The following TRABD2A variants were observed in gnomAD, a reference collection of about 807,000 sequenced individuals.
TRABD2A encodes the protein metalloprotease TIKI1.
TRABD2A carries 43 observed loss-of-function variants against 45.6 expected under a neutral mutation model. That is an observed-to-expected ratio of 0.94 (90% CI 0.74 to 1.22). The LOEUF is 1.22. TRABD2A is among the 50% of genes most tolerant of loss of function. The pLI is 0.00. For missense variants in TRABD2A, 642 were observed against 652.4 expected (o/e 0.98, Z 0.17); for synonymous variants, 269 against 265.0 (o/e 1.02, Z -0.15).
At chr2:84,870,929 G>T (rs1375630251) in intron 1 of TRABD2A, 144 bp from the exon 2 acceptor site, 2 of 830,210 alleles carry the variant, frequency 2.4e-6, no homozygotes, top group Non-Finnish European at 3.7e-6. Flanking sequence ...AGATTCACCT[G>T]CCAGGACAAT....
intron 5 of TRABD2A, among the ~76,000 whole-genome samples, chr2:84,825,173 A>C (rs1250193714): frequency 6.6e-6 from 1 of 152,136 alleles, no homozygotes; most frequent in Non-Finnish European, 1.5e-5. Context: ...TGGATGCGCC[A>C]TGTCTAGGGC....
chr2:84,823,995 C>T lies in TRABD2A; in HGVS notation c.1292G>A (p.Arg431Gln), dbSNP rs770369663. Reference sequence around the variant, plus strand: ...CCACAGATCGCTGAATTGCCGGAGTCGCGGCCTCCGCTGTGACCGCCTCCG... The same window carrying T: ...CCACAGATCGCTGAATTGCCGGAGTTGCGGCCTCCGCTGTGACCGCCTCCG... ...KKRRRSQRRP[R>Q]LRQFSDLWVR... is the part of the protein sequence containing the mutation. Residue 431 changes from arginine (R) to glutamine (Q), a missense_variant, in exon 6 of 7, where the codon CGA becomes CAA. By Grantham distance (43) the Arg-to-Gln change is conservative. Transcript: ENST00000409520. The T allele has an allele frequency of 2.5e-6, 4 of 1,613,778 alleles. No individual in the cohort carries two copies. The highest frequency in any genetic ancestry group is 2.5e-6 in the Non-Finnish European group (3 of 1,179,888).
Position 84,824,304 on chromosome 2 carries a change from T to C in TRABD2A, c.1083-100A>G, listed in dbSNP as rs1481905183. 14 of 1,495,494 alleles carry C rather than the reference T, an allele frequency of 9.4e-6. No individual in the cohort carries two copies. In the Middle Eastern group the frequency reaches 7.5e-4, roughly 80 times the overall value. 92.6% of individuals were successfully genotyped at this position (1,495,494 alleles called of 1,614,324 possible). On this transcript the variant is annotated intron_variant, in intron 5 of 6. Coordinates refer to ENST00000409520, the MANE Select transcript of TRABD2A (RefSeq NM_001277053.2). ...CTCAGGGTTTCAAGACAAAGGCAGA[T>C]AACCTGAAAGTTCAAGCTGGCCAGG...
In TRABD2A at chr2:84,823,992, A is replaced by C. The variant is rs1681069919; in HGVS notation, c.1295T>G (p.Leu432Arg). The C allele has an allele frequency of 5.0e-6, 8 of 1,613,918 alleles. No individual in the cohort carries two copies. Among genetic ancestry groups the C allele is most frequent in the Non-Finnish European group, 6.8e-6 (8 of 1,179,878 alleles). ...GACCCACAGATCGCTGAATTGCCGGAGTCGCGGCCTCCGCTGTGACCGCCT... is the reference window on the plus strand; with the variant it reads ...GACCCACAGATCGCTGAATTGCCGGCGTCGCGGCCTCCGCTGTGACCGCCT... ...KRRRSQRRPR[L>R]RQFSDLWVRL... Residue 432 changes from leucine to arginine, a missense_variant, in exon 6 of 7, where the codon CTC (leucine) becomes CGC (arginine). Leu to Arg is a moderately radical substitution (Grantham distance 102, BLOSUM62 -2). Coordinates refer to ENST00000409520, the MANE Select transcript of TRABD2A (RefSeq NM_001277053.2).
At chr2:84,824,719 CT>C (rs1289352387) in intron 5 of TRABD2A, among the ~76,000 whole-genome samples, 1 of 152,000 alleles carries the variant, frequency 6.6e-6, no homozygotes. Context: ...AACAGTAAAG[CT>C]TTTAAAGACA....
chr2:84,855,974 A>C (rs1199718719), intron 2 of TRABD2A, among the ~76,000 whole-genome samples: 1 of 152,108 alleles, frequency 6.6e-6, no homozygotes, highest in African/African-American at 2.4e-5. Context: ...GGCACCGCCC[A>C]TTACGCGGCT....
Position 84,824,017 on chromosome 2 carries a change from T to C in TRABD2A, c.1270A>G (p.Arg424Gly). The change falls in exon 6 of 7, where the codon AGG becomes GGG. Residue 424 changes from arginine to glycine, a missense_variant. Physicochemically the swap from Arg to Gly is moderately radical, Grantham distance 125. Transcript: ENST00000409520. ...AGTCGCGGCCTCCGCTGTGACCGCC[T>C]CCGCTTCTTCCGGAACCTCTGTTCG... ...EAEQRFRKKR[R>G]RSQRRPRLRQ... 1 of 1,613,828 alleles carries C rather than the reference T, an allele frequency of 6.2e-7. No individual in the cohort carries two copies. The highest frequency in any genetic ancestry group is 8.5e-7 in the Non-Finnish European group (1 of 1,179,826).
rs746934612 is a variant in TRABD2A, at chr2:84,870,709, G to C, written c.185C>G (p.Pro62Arg). 3 of 1,603,860 alleles carry C rather than the reference G, an allele frequency of 1.9e-6. No homozygotes were observed. Among genetic ancestry groups the C allele is most frequent in the African/African-American group, 1.3e-5 (1 of 74,768 alleles). The change falls in exon 2 of 7, where the codon CCG (proline) becomes CGG (arginine). Residue 62 changes from proline to arginine, a missense_variant. Pro to Arg is a moderately radical substitution (Grantham distance 103, BLOSUM62 -2). Transcript: ENST00000409520. ...GATGAAGTCCCAAACTCGGGTGTACGGGACATGGATTGTGCCAAAGAAGTA... is the reference window on the plus strand; with the variant it reads ...GATGAAGTCCCAAACTCGGGTGTACCGGACATGGATTGTGCCAAAGAAGTA... ...PSYFFGTIHVPYTRVWDFIPD... is the reference protein window; with the variant it reads ...PSYFFGTIHVRYTRVWDFIPD...
chr2:84,854,372 A>G (rs1682203318), intron 2 of TRABD2A, among the ~76,000 whole-genome samples: 1 of 152,250 alleles, frequency 6.6e-6, no homozygotes, highest in South Asian at 2.1e-4. Context: ...AGCAAAAGCA[A>G]CAGCAAACTT....
At chr2:84,879,974 C>T (rs1487269684) in intron 1 of TRABD2A, among the ~76,000 whole-genome samples, 1 of 152,060 alleles carries the variant, frequency 6.6e-6, no homozygotes, top group Non-Finnish European at 1.5e-5. Context: ...TTCCAGCCCC[C>T]ACTCCCTCAA....
At chr2:84,845,621 A>G (rs1681870586) in intron 2 of TRABD2A, among the ~76,000 whole-genome samples, 1 of 152,142 alleles carries the variant, frequency 6.6e-6, no homozygotes, top group South Asian at 2.1e-4. Flanking sequence ...TTACTCTAGG[A>G]TTCTGGAAAC....
At chr2:84,868,874 A>G (rs1386436224) in intron 2 of TRABD2A, among the ~76,000 whole-genome samples, 1 of 152,194 alleles carries the variant, frequency 6.6e-6, no homozygotes, top group African/African-American at 2.4e-5. Context: ...TTTCTTTTTC[A>G]AAATATTATA....
intron 2 of TRABD2A, among the ~76,000 whole-genome samples, chr2:84,855,752 C>G (rs903506391): frequency 3.3e-5 from 5 of 152,082 alleles, no homozygotes; most frequent in African/African-American, 9.7e-5. Flanking sequence ...TTGCAGCAGA[C>G]CTTTTTCTCT....
intron 3 of TRABD2A, among the ~76,000 whole-genome samples, chr2:84,840,260 C>G (rs186955399): frequency 6.6e-6 from 1 of 152,242 alleles, no homozygotes; most frequent in Admixed American, 6.5e-5. Flanking sequence ...AAATCGACAG[C>G]CTTCATCTTC....
intron 6 of TRABD2A, among the ~76,000 whole-genome samples, chr2:84,822,834 T>C (rs1287610615): frequency 6.6e-6 from 1 of 152,164 alleles, no homozygotes; most frequent in Non-Finnish European, 1.5e-5. Context: ...CTTCAAACCT[T>C]TCAATGGCTC....
chr2:84,846,862 C>T lies in TRABD2A; in HGVS notation c.670-4855G>A, dbSNP rs78133285. ...GGGTTTCCTTGGAGCCAGAATACTC[C>T]CCTGATGACTCAAGGTGCCTGTTCG... On this transcript the variant is annotated intron_variant, in intron 2 of 6. Transcript: ENST00000409520. Among the ~76,000 whole-genome samples, 157 of 152,332 alleles carry T rather than the reference C, an allele frequency of 1.0e-3. 1 individual carries two copies. The highest frequency in any genetic ancestry group is 3.7e-3 in the African/African-American group (153 of 41,570).
chr2:84,851,583 T>G (rs1682097615), intron 2 of TRABD2A, among the ~76,000 whole-genome samples: 1 of 152,246 alleles, frequency 6.6e-6, no homozygotes, highest in African/African-American at 2.4e-5. Context: ...AGAAAGTCCT[T>G]TCTTTTTGAG....
In TRABD2A at chr2:84,870,453, G is replaced by C. The variant is rs758891608; in HGVS notation, c.441C>G (p.Leu147=). Residue 147 remains leucine, a synonymous_variant, in exon 2 of 7, where the codon CTC becomes CTG. Coordinates refer to ENST00000409520, the MANE Select transcript of TRABD2A (RefSeq NM_001277053.2). ...TAGCATTGAAGAGGTAGTCTGCGTA[G>C]AGCCCCTTGCCGCGCTGGTCTGGGG... is the stretch of plus-strand genomic sequence containing the variant. ...WMTPDQRGKG[L]YADYLFNAIA... The C allele has an allele frequency of 6.8e-6, 11 of 1,613,896 alleles. No homozygotes were observed. In the East Asian group the frequency reaches 2.2e-4, roughly 33 times the overall value.
intron 2 of TRABD2A, among the ~76,000 whole-genome samples, chr2:84,866,462 C>T (rs140259761): frequency 6.6e-6 from 1 of 152,196 alleles, no homozygotes; most frequent in Non-Finnish European, 1.5e-5. Flanking sequence ...CTGTTTTATG[C>T]TTCTGTCCTC....
Sources: allele counts gnomAD v4.1 joint callset (sites outside exome capture counted in the v4.1 genomes callset), GRCh38; gene constraint gnomAD v4.1.1; transcripts MANE v1.5; gene names NCBI Gene and HGNC (gene_info 2026-07-23, HGNC 2026-07-21).